Variants in PLXDC2 observed in about 807,000 individuals in gnomAD.
The protein encoded by PLXDC2 is plexin domain containing 2, also known as plexin domain-containing protein 2.
PLXDC2 carries 40 observed loss-of-function variants against 68.9 expected under a neutral mutation model. The ratio of observed to expected loss-of-function variants is 0.58; its 90% confidence interval spans 0.45 to 0.76. The LOEUF (loss-of-function observed/expected upper bound fraction) is 0.76. PLXDC2 is among the 30% of genes least tolerant of loss of function. The pLI is 0.00. For synonymous variants in PLXDC2, 243 were observed against 234.2 expected (o/e 1.04, Z -0.34); for missense variants, 644 against 661.9 (o/e 0.97, Z 0.30).
intron 2 of PLXDC2, among the ~76,000 whole-genome samples, chr10:20,014,768 A>G (rs925214056): frequency 2.0e-5 from 3 of 152,212 alleles, no homozygotes; most frequent in African/African-American, 2.4e-5. Flanking sequence ...TGCTTTGTCC[A>G]TGTATATCTC....
intron 1 of PLXDC2, among the ~76,000 whole-genome samples, chr10:19,943,459 T>C (rs190699582): frequency 1.3e-5 from 2 of 152,330 alleles, no homozygotes; most frequent in Admixed American, 1.3e-4. Context: ...AGAGTGAAAA[T>C]TCTTTAATTG....
At chr10:20,167,414 G>T (rs1834389796) in intron 7 of PLXDC2, among the ~76,000 whole-genome samples, 1 of 152,102 alleles carries the variant, frequency 6.6e-6, no homozygotes. Context: ...GAAATAAGTT[G>T]ATTCCTACAG....
intron 13 of PLXDC2, among the ~76,000 whole-genome samples, chr10:20,248,610 A>G (rs1276920965): frequency 6.6e-6 from 1 of 152,096 alleles, no homozygotes; most frequent in African/African-American, 2.4e-5. Context: ...CCTATCTGAC[A>G]TGCTGCTGGG....
chr10:20,036,964 T>C (rs1219589258), intron 2 of PLXDC2, among the ~76,000 whole-genome samples: 2 of 152,208 alleles, frequency 1.3e-5, no homozygotes, highest in African/African-American at 4.8e-5. Context: ...CACATGCTTT[T>C]ATCTCTTTTA....
chr10:20,064,442 G>A (rs949977139), intron 3 of PLXDC2, among the ~76,000 whole-genome samples: 5 of 151,946 alleles, frequency 3.3e-5, no homozygotes, highest in East Asian at 1.9e-4. Context: ...GGATGGTCTC[G>A]ATCTCCTGAC....
chr10:20,081,869 T>A (rs1418177313), intron 4 of PLXDC2, among the ~76,000 whole-genome samples: 6 of 151,422 alleles, frequency 4.0e-5, no homozygotes, highest in Admixed American at 2.6e-4. Context: ...TGAAACCCCA[T>A]CTCTACTAGA....
intron 1 of PLXDC2, among the ~76,000 whole-genome samples, chr10:19,995,726 G>A (rs144301383): frequency 6.6e-6 from 1 of 152,136 alleles, no homozygotes; most frequent in Admixed American, 6.5e-5. Flanking sequence ...ACATTCCAGT[G>A]GTGGTAGACA....
chr10:20,269,450 G>A (rs953994461), intron 13 of PLXDC2, among the ~76,000 whole-genome samples: 1 of 152,076 alleles, frequency 6.6e-6, no homozygotes, highest in Non-Finnish European at 1.5e-5. Flanking sequence ...TTAAAGACAT[G>A]GTATTTGTGC....
intron 12 of PLXDC2, among the ~76,000 whole-genome samples, chr10:20,219,893 G>A (rs1432786566): frequency 6.6e-6 from 1 of 152,088 alleles, no homozygotes; most frequent in Non-Finnish European, 1.5e-5. Context: ...ATGATTTCTT[G>A]AGTAAGTCAA....
At chr10:20,148,345 T>C (rs563447658) in intron 6 of PLXDC2, among the ~76,000 whole-genome samples, 2 of 152,190 alleles carry the variant, frequency 1.3e-5, no homozygotes, top group Admixed American at 6.5e-5. Flanking sequence ...CGAAAACTTA[T>C]GTGGCTCAAG....
chr10:20,077,111 G>A (rs185040009), intron 4 of PLXDC2, among the ~76,000 whole-genome samples: 149 of 152,256 alleles, frequency 9.8e-4, no homozygotes, highest in African/African-American at 3.5e-3. Flanking sequence ...AGGGTAAGAT[G>A]ACTGGGATGA....
intron 1 of PLXDC2, among the ~76,000 whole-genome samples, chr10:19,991,422 C>CA (rs1339075198): frequency 7.2e-6 from 1 of 138,936 alleles, no homozygotes; most frequent in African/African-American, 2.7e-5. Flanking sequence ...TTTTTAAATT[C>CA]AAAATCATAT....
intron 1 of PLXDC2, among the ~76,000 whole-genome samples, chr10:19,928,749 CTTTTTTT>C (rs796581734): frequency 3.7e-4 from 39 of 105,200 alleles, no homozygotes; most frequent in African/African-American, 1.1e-3. Flanking sequence ...GAAGATAGGA[CTTTTTTT>C]TTTTTTTTTT....
At chr10:20,152,676 C>T (rs1032085621) in intron 6 of PLXDC2, among the ~76,000 whole-genome samples, 4 of 151,996 alleles carry the variant, frequency 2.6e-5, no homozygotes, top group African/African-American at 4.8e-5. Context: ...ATTTCCTTGA[C>T]TATATTAATA....
chr10:20,004,118 A>T (rs1191671007), intron 2 of PLXDC2, among the ~76,000 whole-genome samples: 1 of 152,250 alleles, frequency 6.6e-6, no homozygotes, highest in Non-Finnish European at 1.5e-5. Flanking sequence ...GATATTACCT[A>T]GTCCTGCAAA....
intron 9 of PLXDC2, among the ~76,000 whole-genome samples, chr10:20,192,269 G>T (rs571002495): frequency 1.3e-5 from 2 of 152,142 alleles, no homozygotes; most frequent in East Asian, 3.9e-4. Context: ...CTAAGCAGTT[G>T]TGTCCATCAG....
chr10:19,888,114 C>G (rs1164050659), intron 1 of PLXDC2, among the ~76,000 whole-genome samples: 3 of 152,148 alleles, frequency 2.0e-5, no homozygotes, highest in Admixed American at 2.0e-4. Flanking sequence ...TAAAGCACTC[C>G]CTTTTTGAAG....
chr10:20,185,410 A>G (rs757301375), intron 9 of PLXDC2, among the ~76,000 whole-genome samples: 5 of 151,852 alleles, frequency 3.3e-5, no homozygotes, highest in Admixed American at 6.6e-5. Context: ...TAGCCTTCCA[A>G]CAAGGGGCAG....
chr10:19,912,662 G>T (rs1833295382), intron 1 of PLXDC2, among the ~76,000 whole-genome samples: 1 of 151,572 alleles, frequency 6.6e-6, no homozygotes, highest in South Asian at 2.1e-4. Context: ...TTTAAAAACG[G>T]TAATAATTAA....
Sources: gnomAD v4.1 joint callset for allele counts (sites outside exome capture counted in the v4.1 genomes callset) on GRCh38, gnomAD v4.1.1 for gene constraint, MANE v1.5 for transcripts, NCBI Gene and HGNC (gene_info 2026-07-23, HGNC 2026-07-21) for gene names.